Variants in ANGPTL5 observed in about 807,000 individuals in gnomAD.
ANGPTL5 encodes the protein angiopoietin like 5.
ANGPTL5 carries 34 observed loss-of-function variants against 39.4 expected under a neutral mutation model. That is an observed-to-expected ratio of 0.86 (90% CI 0.66 to 1.15). ANGPTL5 has a LOEUF of 1.15. Ranked by LOEUF, ANGPTL5 falls within the 50% of genes most tolerant of loss-of-function variation. ANGPTL5 has a pLI of 0.00. For missense variants in ANGPTL5, 467 were observed against 457.5 expected (o/e 1.02, Z -0.19); for synonymous variants, 146 against 152.1 (o/e 0.96, Z 0.29).
rs1555048792 is a variant in ANGPTL5, at chr11:101,910,424, A to ATAT, written c.-92-2424_-92-2423insATA. 7.6e-4 allele frequency among the ~76,000 whole-genome samples: 97 copies of ATAT among 127,200 alleles called. 1 individual carries two copies. The highest frequency in any genetic ancestry group is 4.0e-3 in the Middle Eastern group (1 of 250). The allele number at this position is 127,200 out of a possible 152,430, so 83.4% of individuals were successfully genotyped here. ...AAACTCCGTCTCAAAAAAAAAAAAA[A>ATAT]ATATATATATATATATATATATTCA... On this transcript the variant is annotated intron_variant, in intron 1 of 8. Transcript: ENST00000334289.
At chr11:101,894,756 TA>T in intron 8 of ANGPTL5, 122 bp downstream of exon 8, 1 of 972,944 alleles carries the variant, frequency 1.0e-6, no homozygotes, top group South Asian at 1.6e-5. Context: ...TTCTTATTCC[TA>T]ATCTATCCTG....
At position 101,894,921 on chromosome 11, in the gene ANGPTL5, T is replaced by C. The variant is rs143196444; in HGVS notation, c.805A>G (p.Arg269Gly). The C allele has an allele frequency of 1.3e-4, 212 of 1,613,600 alleles. No homozygotes were observed. In the African/African-American group the frequency reaches 2.6e-3, roughly 20 times the overall value. The change falls in exon 8 of 9, where the codon AGA (arginine) becomes GGA (glycine). Residue 269 changes from arginine (R) to glycine (G), a missense_variant. Transcript: ENST00000334289. The stretch of plus-strand genomic sequence containing the variant: ...CGTCCTAAGTGCATTTTAAAAAATC[T>C]CGTTTCATCCTCTAGCCAAAAATTA... ...YDNFWLEDET[R>G]FFKMHLGRYS... is the part of the protein sequence containing the mutation.
At chr11:101,898,092 A>G in intron 7 of ANGPTL5, among the ~76,000 whole-genome samples, 1 of 152,064 alleles carries the variant, frequency 6.6e-6, no homozygotes, top group Non-Finnish European at 1.5e-5. Context: ...GCATGGAGGC[A>G]GGCACCTGTA....
chr11:101,896,045 G>A (rs1198282526), intron 7 of ANGPTL5, among the ~76,000 whole-genome samples: 2 of 151,944 alleles, frequency 1.3e-5, no homozygotes, highest in Non-Finnish European at 2.9e-5. Context: ...CTCCAGAGGG[G>A]TCCACTGAGT....
chr11:101,901,015 C>CTTTTTTTTTTTT (rs34425298), intron 6 of ANGPTL5, among the ~76,000 whole-genome samples: 4 of 98,620 alleles, frequency 4.1e-5, no homozygotes, highest in Non-Finnish European at 5.8e-5. Flanking sequence ...GCACCCCCGG[C>CTTTTTTTTTTTT]TTTTTTTTTT....
intron 4 of ANGPTL5, 107 bp from the exon 5 acceptor site, chr11:101,905,014 A>G (rs1027663750): frequency 1.2e-6 from 1 of 802,376 alleles, no homozygotes; most frequent in Admixed American, 2.1e-5. Context: ...CCATTTTTCT[A>G]GATTGATTTC....
intron 7 of ANGPTL5, among the ~76,000 whole-genome samples, chr11:101,895,497 C>G (rs572724994): frequency 7.9e-5 from 12 of 152,206 alleles, no homozygotes; most frequent in African/African-American, 2.6e-4. Context: ...GAAGGTTTAA[C>G]CTCCAAATCA....
chr11:101,905,990 A>C, intron 3 of ANGPTL5, 143 bp from the exon 4 acceptor site: 1 of 624,136 alleles, frequency 1.6e-6, no homozygotes, highest in Non-Finnish European at 2.8e-6. Context: ...AGAATTACAT[A>C]TTTTAGTTAG....
chr11:101,893,224 A>T (rs1386421567), intron 8 of ANGPTL5, among the ~76,000 whole-genome samples: 2 of 152,256 alleles, frequency 1.3e-5, no homozygotes, highest in Non-Finnish European at 2.9e-5. Flanking sequence ...GTGTGGTTGG[A>T]GAACATAACA....
At position 101,907,344 on chromosome 11, in the gene ANGPTL5, C is replaced by A. The variant is rs185312056; in HGVS notation, c.97-97G>T. 5.5e-4 allele frequency: 444 copies of A among 808,208 alleles called. 1 individual carries two copies. The highest frequency in any genetic ancestry group is 4.1e-3 in the Middle Eastern group (11 of 2,674). 50.1% of individuals were successfully genotyped at this position (808,208 alleles called of 1,614,324 possible). Reference sequence around the variant, plus strand: ...AGACTATAGAGAAAAGCTTAGATTTCAGGAAAGACAAGGCTGATCATTAGA... The same window carrying A: ...AGACTATAGAGAAAAGCTTAGATTTAAGGAAAGACAAGGCTGATCATTAGA... On this transcript the variant is annotated intron_variant, in intron 2 of 8. Transcript: ENST00000334289.
At chr11:101,914,387 G>T (rs546138716) in intron 1 of ANGPTL5, among the ~76,000 whole-genome samples, 75 of 152,326 alleles carry the variant, frequency 4.9e-4, no homozygotes, top group African/African-American at 1.7e-3. Context: ...TCAATGCGAT[G>T]ATCTCTTTTG....
intron 7 of ANGPTL5, among the ~76,000 whole-genome samples, chr11:101,897,236 T>C (rs191049236): frequency 1.4e-4 from 22 of 152,334 alleles, no homozygotes; most frequent in African/African-American, 5.3e-4. Flanking sequence ...TTTAAGTTAT[T>C]TGTAGATTCT....
At chr11:101,900,291 T>C (rs896620661) in intron 7 of ANGPTL5, 139 bp downstream of exon 7, 8 of 826,104 alleles carry the variant, frequency 9.7e-6, no homozygotes, top group Non-Finnish European at 1.5e-5. Context: ...ATCTGGCATA[T>C]GAAAAGAGGG....
intron 8 of ANGPTL5, among the ~76,000 whole-genome samples, chr11:101,892,703 A>G (rs1939724579): frequency 6.6e-6 from 1 of 152,200 alleles, no homozygotes; most frequent in South Asian, 2.1e-4. Flanking sequence ...CATTTCACCT[A>G]TATGTAAGCT....
chr11:101,899,311 C>G (rs1356223371), intron 7 of ANGPTL5, among the ~76,000 whole-genome samples: 2 of 152,162 alleles, frequency 1.3e-5, no homozygotes, highest in African/African-American at 4.8e-5. Context: ...TGTTGGCCAG[C>G]CTGGTTTCAA....
rs987762942 is a variant in ANGPTL5 at position 101,904,716 on chromosome 11, T to C, written c.439+98A>G. The C allele has an allele frequency of 1.7e-5, 18 of 1,062,162 alleles. No homozygotes were observed. The African/African-American group carries it at 2.8e-4, about 17-fold the overall frequency. The allele number at this position is 1,062,162 out of a possible 1,614,324, so 65.8% of individuals were successfully genotyped here. A position where few individuals can be genotyped will look rare whatever the true frequency, so the allele number is the denominator to read the frequency against. On this transcript the variant is annotated intron_variant, in intron 5 of 8. Coordinates refer to ENST00000334289, the MANE Select transcript of ANGPTL5 (RefSeq NM_178127.5). ...CAGTCTGTTAGAGAACGGTGAGCTG[T>C]AGTTTTTAAATAAAACTTTTAAATG... is the stretch of plus-strand genomic sequence containing the variant.
At chr11:101,895,615 T>C (rs1313215173) in intron 7 of ANGPTL5, among the ~76,000 whole-genome samples, 1 of 152,210 alleles carries the variant, frequency 6.6e-6, no homozygotes, top group Non-Finnish European at 1.5e-5. Flanking sequence ...AGCTGGTTAA[T>C]TTCCTATGCC....
At chr11:101,901,568 G>A (rs1939900275) in intron 6 of ANGPTL5, among the ~76,000 whole-genome samples, 1 of 152,106 alleles carries the variant, frequency 6.6e-6, no homozygotes, top group African/African-American at 2.4e-5. Context: ...CCCGCATAGA[G>A]ACAGAGAAAA....
chr11:101,902,669 C>A lies in ANGPTL5; in HGVS notation c.492G>T (p.Pro164=), dbSNP rs759736887. Reference sequence around the variant, plus strand: ...CTGGGTGAATTATGTATAAACCACTCGGTGTTTTGGTGACAGAGCCAATGG... The same window carrying A: ...CTGGGTGAATTATGTATAAACCACTAGGTGTTTTGGTGACAGAGCCAATGG... ...KDTIGSVTKT[P]SGLYIIHPEG... The change falls in exon 6 of 9, where the codon CCG becomes CCT. Residue 164 remains proline (P), a synonymous_variant. Coordinates refer to ENST00000334289, the MANE Select transcript of ANGPTL5 (RefSeq NM_178127.5). The A allele has an allele frequency of 2.5e-6, 4 of 1,611,848 alleles. No individual in the cohort carries two copies. In the Admixed American group the frequency reaches 6.7e-5, roughly 27 times the overall value.
Sources: gnomAD v4.1 joint callset for allele counts (sites outside exome capture counted in the v4.1 genomes callset) on GRCh38, gnomAD v4.1.1 for gene constraint, MANE v1.5 for transcripts, NCBI Gene and HGNC (gene_info 2026-07-23, HGNC 2026-07-21) for gene names.